The following CPQ variants were observed in gnomAD, a reference collection of about 807,000 sequenced individuals.
CPQ encodes Ser-Met dipeptidase.
A neutral mutation model predicts 45.7 loss-of-function variants in CPQ; 37 were observed. That is an observed-to-expected ratio of 0.81 (90% CI 0.62 to 1.07). The LOEUF (loss-of-function observed/expected upper bound fraction) is 1.07, where lower values mean the gene tolerates loss of function less well. CPQ is among the 50% of genes least tolerant of loss of function. The pLI is 0.00. For missense variants in CPQ, 537 were observed against 572.9 expected (o/e 0.94, Z 0.64); for synonymous variants, 186 against 205.8 (o/e 0.90, Z 0.82).
chr8:96,661,435 A>C (rs1053811884), intron 1 of CPQ, among the ~76,000 whole-genome samples: 1 of 151,880 alleles, frequency 6.6e-6, no homozygotes, highest in Non-Finnish European at 1.5e-5. Flanking sequence ...CCTGTACTCT[A>C]CTTGTTCATC....
intron 1 of CPQ, among the ~76,000 whole-genome samples, chr8:96,742,660 G>A: frequency 6.6e-6 from 1 of 151,858 alleles, no homozygotes; most frequent in African/African-American, 2.4e-5. Flanking sequence ...AGCTCTTTTA[G>A]GGCAGGCCTG....
intron 1 of CPQ, among the ~76,000 whole-genome samples, chr8:96,724,518 CA>C (rs1809809371): frequency 6.6e-6 from 1 of 151,800 alleles, no homozygotes; most frequent in East Asian, 1.9e-4. Context: ...CACACACACA[CA>C]CACACACCCC....
intron 1 of CPQ, among the ~76,000 whole-genome samples, chr8:96,738,407 G>GT (rs961858057): frequency 1.6e-4 from 24 of 145,966 alleles, no homozygotes; most frequent in Admixed American, 4.1e-4. Context: ...TATGTAAATT[G>GT]TTTTTTTTTC....
chr8:96,861,193 A>G (rs1190289738), intron 3 of CPQ, among the ~76,000 whole-genome samples: 1 of 152,152 alleles, frequency 6.6e-6, no homozygotes, highest in Non-Finnish European at 1.5e-5. Context: ...CTAAGCCAGC[A>G]TGAGCATTTT....
chr8:97,131,532 C>T (rs1325078637), intron 7 of CPQ, among the ~76,000 whole-genome samples: 2 of 152,038 alleles, frequency 1.3e-5, no homozygotes, highest in African/African-American at 4.8e-5. Flanking sequence ...GTGACCTTGA[C>T]CCTGTGATAT....
chr8:97,091,197 T>C (rs894312810), intron 7 of CPQ, among the ~76,000 whole-genome samples: 6 of 152,310 alleles, frequency 3.9e-5, no homozygotes, highest in Non-Finnish European at 8.8e-5. Context: ...ATAAACTGTG[T>C]CTACAGGGAC....
intron 7 of CPQ, among the ~76,000 whole-genome samples, chr8:97,093,615 T>C (rs540984440): frequency 1.3e-5 from 2 of 152,264 alleles, no homozygotes; most frequent in African/African-American, 4.8e-5. Flanking sequence ...ATAAGTGGCA[T>C]AGATAACAGT....
At chr8:96,703,191 C>T (rs1433616077) in intron 1 of CPQ, among the ~76,000 whole-genome samples, 1 of 152,130 alleles carries the variant, frequency 6.6e-6, no homozygotes, top group African/African-American at 2.4e-5. Flanking sequence ...TTTGTGACAA[C>T]TTTATAGAAC....
At chr8:96,841,848 T>C (rs192896450) in intron 3 of CPQ, among the ~76,000 whole-genome samples, 21 of 152,286 alleles carry the variant, frequency 1.4e-4, no homozygotes, top group Admixed American at 6.5e-4. Context: ...GAGAATGCTA[T>C]ACCATCTGGT....
At chr8:97,080,050 C>T (rs1281870372) in intron 7 of CPQ, among the ~76,000 whole-genome samples, 2 of 152,132 alleles carry the variant, frequency 1.3e-5, no homozygotes, top group Admixed American at 6.6e-5. Flanking sequence ...GATCCTTCTC[C>T]TTGGAAGGAC....
rs535099198 is a variant in CPQ at position 96,718,292 on chromosome 8, C to G, written c.-34-66572C>G. ...CTTCAAGAATGAAGCCGCGGACCCT[C>G]ACAGTGAGTGTTACAGCTCTTAAGG... is the stretch of plus-strand genomic sequence containing the variant. On this transcript the variant is annotated intron_variant, in intron 1 of 7. Coordinates refer to ENST00000220763, the MANE Select transcript of CPQ (RefSeq NM_016134.4). Among the ~76,000 whole-genome samples the G allele has an allele frequency of 6.6e-5, 10 of 152,318 alleles. 2 individuals are homozygous for G. The highest frequency in any genetic ancestry group is 2.4e-4 in the African/African-American group (10 of 41,570).
chr8:97,017,780 ACCTGGTGGTCCTTCCCTACATAC>A (rs1274729908), intron 5 of CPQ, among the ~76,000 whole-genome samples: 1 of 151,828 alleles, frequency 6.6e-6, no homozygotes, highest in African/African-American at 2.4e-5. Context: ...CCCTGCCCCC[ACCTGGTGGTCCTTCCCTACATAC>A]CCTGGTGGCT....
intron 1 of CPQ, among the ~76,000 whole-genome samples, chr8:96,711,943 C>A (rs1446426621): frequency 6.6e-6 from 1 of 152,114 alleles, no homozygotes; most frequent in Non-Finnish European, 1.5e-5. Flanking sequence ...GTCCCTTCTG[C>A]CTATTAGCCT....
At chr8:97,040,006 G>A (rs1367547007) in intron 6 of CPQ, among the ~76,000 whole-genome samples, 2 of 151,806 alleles carry the variant, frequency 1.3e-5, no homozygotes, top group Non-Finnish European at 2.9e-5. Context: ...CCAGTAATGG[G>A]ATGGCTGGGT....
intron 4 of CPQ, among the ~76,000 whole-genome samples, chr8:96,964,816 A>G (rs1813527687): frequency 1.3e-5 from 2 of 152,150 alleles, no homozygotes; most frequent in Non-Finnish European, 2.9e-5. Context: ...GCCTTCCTCT[A>G]AAATCTGTGT....
At chr8:97,049,682 G>A (rs1170191353) in intron 6 of CPQ, among the ~76,000 whole-genome samples, 1 of 152,126 alleles carries the variant, frequency 6.6e-6, no homozygotes, top group African/African-American at 2.4e-5. Flanking sequence ...CAAATTTTCA[G>A]GAAAAATAAA....
Position 96,917,641 on chromosome 8 carries a change from T to C in CPQ, c.849+37636T>C, listed in dbSNP as rs138185077. Reference sequence around the variant, plus strand: ...CTCATTACACCTAGAGTGTCATTGCTTCTAGGTCTTCTCAGCTGAAAGAAC... The same window carrying C: ...CTCATTACACCTAGAGTGTCATTGCCTCTAGGTCTTCTCAGCTGAAAGAAC... On this transcript the variant is annotated intron_variant, in intron 4 of 7. Transcript: ENST00000220763. Among the ~76,000 whole-genome samples, 508 of 152,298 alleles carry C rather than the reference T, an allele frequency of 3.3e-3. 4 individuals carry two copies. Among genetic ancestry groups the C allele is most frequent in the African/African-American group, 0.012 (482 of 41,570 alleles).
At chr8:96,942,213 A>G (rs1813131301) in intron 4 of CPQ, among the ~76,000 whole-genome samples, 1 of 152,208 alleles carries the variant, frequency 6.6e-6, no homozygotes, top group Non-Finnish European at 1.5e-5. Context: ...CACAAAATGC[A>G]ATTATTTGAT....
At chr8:96,896,393 C>A (rs1812443242) in intron 4 of CPQ, among the ~76,000 whole-genome samples, 1 of 152,076 alleles carries the variant, frequency 6.6e-6, no homozygotes, top group Non-Finnish European at 1.5e-5. Flanking sequence ...CCTTTTCCTG[C>A]CTATTTTCTA....
Sources: gnomAD v4.1 joint callset for allele counts (sites outside exome capture counted in the v4.1 genomes callset) on GRCh38, gnomAD v4.1.1 for gene constraint, MANE v1.5 for transcripts, NCBI Gene and HGNC (gene_info 2026-07-23, HGNC 2026-07-21) for gene names.